Variants in DYRK1A observed in about 807,000 individuals in gnomAD.
DYRK1A encodes dual specificity tyrosine phosphorylation regulated kinase 1A.
Under a neutral mutation model 79.7 loss-of-function variants are expected in DYRK1A, and 9 were observed. That is an observed-to-expected ratio of 0.11 (90% CI 0.07 to 0.20). The LOEUF (loss-of-function observed/expected upper bound fraction) is 0.20, where lower values mean the gene tolerates loss of function less well. Ranked by LOEUF, DYRK1A falls within the 10% of genes least tolerant of loss-of-function variation. DYRK1A has a pLI of 1.00. For missense variants in DYRK1A, 622 were observed against 956.0 expected (o/e 0.65, Z 4.61); for synonymous variants, 349 against 329.7 (o/e 1.06, Z -0.63).
chr21:37,371,880 C>A (rs190093405), intron 1 of DYRK1A, among the ~76,000 whole-genome samples: 1 of 152,090 alleles, frequency 6.6e-6, no homozygotes. Flanking sequence ...CATTAAATAA[C>A]CCCCTAATTT....
chr21:37,488,263 G>A (rs1355333583), intron 6 of DYRK1A: 6 of 829,078 alleles, frequency 7.2e-6, no homozygotes, highest in Middle Eastern at 6.1e-4. Flanking sequence ...AATGCATAAC[G>A]TCTCAAGAAA....
chr21:37,432,563 A>C (rs748710068), intron 2 of DYRK1A, among the ~76,000 whole-genome samples: 125 of 152,150 alleles, frequency 8.2e-4, no homozygotes, highest in Non-Finnish European at 1.0e-3. Flanking sequence ...CAAATTGAAA[A>C]ATTTTATCCA....
intron 11 of DYRK1A, among the ~76,000 whole-genome samples, chr21:37,506,726 CT>C (rs1394211806): frequency 6.6e-5 from 10 of 152,130 alleles, no homozygotes; most frequent in Non-Finnish European, 4.4e-5. Flanking sequence ...TAATTAAGTA[CT>C]TTTTCAAAAT....
chr21:37,408,592 G>A (rs1432229702), intron 1 of DYRK1A, among the ~76,000 whole-genome samples: 1 of 152,142 alleles, frequency 6.6e-6, no homozygotes, highest in African/African-American at 2.4e-5. Flanking sequence ...ACATAGAACA[G>A]TCATTCTCTA....
In DYRK1A at chr21:37,409,551, C is replaced by G. The variant is rs574131690; in HGVS notation, c.-76-10748C>G. Among the ~76,000 whole-genome samples the G allele has an allele frequency of 5.3e-5, 8 of 152,238 alleles. No homozygotes were observed. The East Asian group carries it at 1.5e-3, about 29-fold the overall frequency. On this transcript the variant is annotated intron_variant, in intron 1 of 11. Coordinates refer to ENST00000647188, the MANE Select transcript of DYRK1A (RefSeq NM_001347721.2). ...AAATTGGAAGTACTTAGTGGTTACT[C>G]ATTGTGGCCCCTAGTTACAGTTCAT... is the stretch of plus-strand genomic sequence containing the variant.
chr21:37,478,857 T>C (rs1337254954), intron 4 of DYRK1A, among the ~76,000 whole-genome samples: 1 of 152,230 alleles, frequency 6.6e-6, no homozygotes, highest in African/African-American at 2.4e-5. Context: ...AGCTTTTTTG[T>C]TGTAAGTAAA....
intron 6 of DYRK1A, 139 bp downstream of exon 6, chr21:37,486,753 A>G (rs961900616): frequency 1.2e-6 from 1 of 823,802 alleles, no homozygotes; most frequent in Admixed American, 4.2e-5. Context: ...GGACAGCAAG[A>G]TTTATATAAG....
At chr21:37,414,840 A>G (rs146273453) in intron 1 of DYRK1A, among the ~76,000 whole-genome samples, 34 of 152,342 alleles carry the variant, frequency 2.2e-4, no homozygotes, top group Non-Finnish European at 3.1e-4. Context: ...AGGTCATACA[A>G]ACCTGTGCAA....
Position 37,367,178 on chromosome 21 carries a change from G to T in DYRK1A, c.-527G>T, listed in dbSNP as rs1365883700. The T allele has an allele frequency of 1.3e-5, 2 of 151,816 alleles. No homozygotes were observed. Among genetic ancestry groups the T allele is most frequent in the Non-Finnish European group, 2.9e-5 (2 of 67,924 alleles). 9.4% of individuals were successfully genotyped at this position (151,816 alleles called of 1,614,324 possible). A position where few individuals can be genotyped will look rare whatever the true frequency, so the allele number is the denominator to read the frequency against. Reference sequence around the variant, plus strand: ...CTGTGCGGGGACTCGGGGGCGGGCGGTTCGGGCTCTCCTGGCGGAGGAGCC... The same window carrying T: ...CTGTGCGGGGACTCGGGGGCGGGCGTTTCGGGCTCTCCTGGCGGAGGAGCC... On this transcript the variant is annotated 5_prime_UTR_variant, in exon 1 of 12. Coordinates refer to ENST00000647188, the MANE Select transcript of DYRK1A (RefSeq NM_001347721.2).
rs2053760825 is a variant in DYRK1A, at chr21:37,511,930, C to T, written c.1664C>T (p.Ala555Val). Residue 555 changes from alanine to valine, a missense_variant, in exon 12 of 12, where the codon GCT (alanine) becomes GTT (valine). Around this residue, in one of 5 missense-constraint regions of DYRK1A, gnomAD observed 292 missense variants for 316.7 expected, o/e 0.92. Coordinates refer to ENST00000647188, the MANE Select transcript of DYRK1A (RefSeq NM_001347721.2). ...TTTCAGGTGCGTCAGCAATTTCCTG[C>T]TCCTCTTGGTTGGTCAGGCACTGAA... ...HSPQVRQQFP[A>V]PLGWSGTEAP... The T allele has an allele frequency of 6.2e-7, 1 of 1,611,706 alleles. No individual in the cohort carries two copies. The highest frequency in any genetic ancestry group is 1.3e-5 in the African/African-American group (1 of 74,892).
At chr21:37,401,921 A>T (rs1297796582) in intron 1 of DYRK1A, among the ~76,000 whole-genome samples, 1 of 152,222 alleles carries the variant, frequency 6.6e-6, no homozygotes, top group Non-Finnish European at 1.5e-5. Context: ...TATACACATT[A>T]CATATTTTCA....
At chr21:37,424,328 TTTTG>T (rs1349129732) in intron 2 of DYRK1A, among the ~76,000 whole-genome samples, 3 of 152,208 alleles carry the variant, frequency 2.0e-5, no homozygotes, top group Non-Finnish European at 4.4e-5. Flanking sequence ...TGTTTTTACT[TTTTG>T]TTTATTAGAT....
intron 9 of DYRK1A, chr21:37,501,426 C>T (rs2053447582): frequency 6.6e-6 from 1 of 152,212 alleles, no homozygotes. Flanking sequence ...CCTTGTCCTC[C>T]CAAAGTGCTG....
chr21:37,392,342 C>CA (rs2049886281), intron 1 of DYRK1A, among the ~76,000 whole-genome samples: 1 of 152,184 alleles, frequency 6.6e-6, no homozygotes, highest in Admixed American at 6.5e-5. Context: ...CTTTTGTTCT[C>CA]ATTAGTTCCT....
chr21:37,371,978 T>G (rs1016751612), intron 1 of DYRK1A, among the ~76,000 whole-genome samples: 2 of 152,198 alleles, frequency 1.3e-5, no homozygotes, highest in South Asian at 4.1e-4. Flanking sequence ...GTATTATCAT[T>G]ATCTATATTA....
chr21:37,460,152 A>AT (rs1476274742), intron 2 of DYRK1A, among the ~76,000 whole-genome samples: 1 of 150,876 alleles, frequency 6.6e-6, no homozygotes, highest in South Asian at 2.1e-4. Context: ...GTTTCAAAAG[A>AT]TTTTTTTTGC....
intron 1 of DYRK1A, among the ~76,000 whole-genome samples, chr21:37,398,357 T>A (rs981813432): frequency 6.7e-6 from 1 of 149,268 alleles, no homozygotes; most frequent in Admixed American, 6.7e-5. Flanking sequence ...AAAAAAAAAA[T>A]AAAAGTGCCG....
chr21:37,428,825 G>T (rs1192483690), intron 2 of DYRK1A: 1 of 128,192 alleles, frequency 7.8e-6, no homozygotes, highest in African/African-American at 2.9e-5. Context: ...TCCTCAAAAG[G>T]TGAAATTTAA....
chr21:37,465,563 A>C (rs2051997339), intron 2 of DYRK1A, among the ~76,000 whole-genome samples: 1 of 152,210 alleles, frequency 6.6e-6, no homozygotes, highest in South Asian at 2.1e-4. Flanking sequence ...TTGGCCAGGC[A>C]TGGTGGCTCA....
Sources: gnomAD v4.1 joint callset for allele counts (sites outside exome capture counted in the v4.1 genomes callset) on GRCh38, gnomAD v4.1.1 for gene constraint, gnomAD v4.1.1 regional missense constraint, MANE v1.5 for transcripts, NCBI Gene and HGNC (gene_info 2026-07-23, HGNC 2026-07-21) for gene names.